Variants in SUGCT observed in about 807,000 individuals in gnomAD.
SUGCT encodes the protein succinyl-CoA:glutarate CoA-transferase.
Under a neutral mutation model 55.0 loss-of-function variants are expected in SUGCT, and 41 were observed. The observed-to-expected ratio is 0.74, with a 90% CI of 0.58 to 0.97. The LOEUF is 0.97. SUGCT is among the 50% of genes least tolerant of loss of function. The pLI is 0.00. For synonymous variants in SUGCT, 187 were observed against 200.4 expected (o/e 0.93, Z 0.56); for missense variants, 568 against 547.8 (o/e 1.04, Z -0.37).
intron 7 of SUGCT, among the ~76,000 whole-genome samples, chr7:40,242,857 A>G (rs973347069): frequency 2.9e-5 from 4 of 139,688 alleles, no homozygotes; most frequent in African/African-American, 1.1e-4. Context: ...TTAGTAAACA[A>G]TTATGTTGAG....
At chr7:40,949,714 C>T in the SUGCT span, among the ~76,000 whole-genome samples, 2 of 152,170 alleles carry the variant, frequency 1.3e-5, no homozygotes, top group African/African-American at 4.8e-5. Context: ...AATAGGGAAT[C>T]CTTTCCCCAT....
intron 13 of SUGCT, among the ~76,000 whole-genome samples, chr7:40,768,265 G>A (rs906574138): frequency 3.3e-5 from 5 of 152,160 alleles, no homozygotes; most frequent in Non-Finnish European, 5.9e-5. Flanking sequence ...CACAGCTTTA[G>A]TGGAAGAGGC....
rs541285731 is a variant in SUGCT, at chr7:40,285,495, G to C, written c.720+10839G>C. Among the ~76,000 whole-genome samples, 11 of 150,098 alleles carry C rather than the reference G, an allele frequency of 7.3e-5. No homozygotes were observed. In the South Asian group the frequency reaches 8.5e-4, roughly 12 times the overall value. On this transcript the variant is annotated intron_variant, in intron 8 of 13. Transcript: ENST00000335693. ...TATTCTTGTTTTTTTCTTTTTTCGG[G>C]GGGGGGCAAGAATTTTATTTAGAAT...
chr7:40,938,581 G>T, the SUGCT span, among the ~76,000 whole-genome samples: 1 of 151,762 alleles, frequency 6.6e-6, no homozygotes, highest in African/African-American at 2.4e-5. Context: ...TGAAGTCTGA[G>T]ATTTTAGTGC....
intron 12 of SUGCT, among the ~76,000 whole-genome samples, chr7:40,532,880 A>G (rs1156829409): frequency 6.6e-6 from 1 of 152,202 alleles, no homozygotes; most frequent in Admixed American, 6.5e-5. Context: ...AAATTAAACC[A>G]ATACCACATC....
intron 9 of SUGCT, among the ~76,000 whole-genome samples, chr7:40,371,028 A>G (rs1784271288): frequency 6.6e-6 from 1 of 152,170 alleles, no homozygotes; most frequent in South Asian, 2.1e-4. Context: ...CTAATGGCCC[A>G]GAGCTAGATA....
chr7:40,742,089 G>A (rs1787488638), intron 12 of SUGCT, among the ~76,000 whole-genome samples: 1 of 152,074 alleles, frequency 6.6e-6, no homozygotes, highest in South Asian at 2.1e-4. Context: ...ATATATACGT[G>A]TGTGTATATT....
intron 9 of SUGCT, among the ~76,000 whole-genome samples, chr7:40,368,316 A>G (rs146929654): frequency 4.2e-4 from 64 of 152,008 alleles, no homozygotes; most frequent in African/African-American, 1.4e-3. Context: ...TCCTGCTTCA[A>G]CGTCCTGAGT....
chr7:40,830,145 C>G (rs1210151335), intron 13 of SUGCT, among the ~76,000 whole-genome samples: 1 of 152,068 alleles, frequency 6.6e-6, no homozygotes, highest in Non-Finnish European at 1.5e-5. Flanking sequence ...CACCCCAGGC[C>G]CAGAGCCTCA....
At chr7:40,534,487 C>T (rs1421805744) in intron 12 of SUGCT, among the ~76,000 whole-genome samples, 4 of 152,134 alleles carry the variant, frequency 2.6e-5, no homozygotes, top group African/African-American at 7.2e-5. Context: ...CAGGTTCAAG[C>T]GATTCTCTTC....
intron 12 of SUGCT, among the ~76,000 whole-genome samples, chr7:40,745,535 G>A (rs1025990769): frequency 6.6e-6 from 1 of 152,078 alleles, no homozygotes; most frequent in Non-Finnish European, 1.5e-5. Flanking sequence ...TAAAACGCTT[G>A]AGAAAGAAAG....
intron 9 of SUGCT, among the ~76,000 whole-genome samples, chr7:40,374,984 G>A (rs1457084814): frequency 6.6e-6 from 1 of 152,072 alleles, no homozygotes; most frequent in Non-Finnish European, 1.5e-5. Flanking sequence ...TTGGGTGGCC[G>A]ACATACAAGT....
At chr7:40,350,577 C>T (rs990670559) in intron 9 of SUGCT, among the ~76,000 whole-genome samples, 2 of 151,722 alleles carry the variant, frequency 1.3e-5, no homozygotes, top group Non-Finnish European at 2.9e-5. Flanking sequence ...GTGATCCACC[C>T]ACCTTGGCCC....
chr7:40,480,299 G>C (rs1186093409), intron 11 of SUGCT, among the ~76,000 whole-genome samples: 1 of 151,816 alleles, frequency 6.6e-6, no homozygotes, highest in Non-Finnish European at 1.5e-5. Context: ...CTATGTTCGT[G>C]GCATCCCTGT....
chr7:40,672,496 A>G (rs1049705832), intron 12 of SUGCT, among the ~76,000 whole-genome samples: 1 of 152,204 alleles, frequency 6.6e-6, no homozygotes. Context: ...TTATATGTAC[A>G]TTCTTGAAAT....
chr7:40,546,467 T>A (rs6970223), intron 12 of SUGCT, among the ~76,000 whole-genome samples: 3,938 of 152,258 alleles, frequency 0.026, 159 homozygotes, highest in African/African-American at 0.091. Context: ...GGCATTAAAA[T>A]TAAAGCCTGA....
intron 12 of SUGCT, among the ~76,000 whole-genome samples, chr7:40,685,857 G>A (rs1784440976): frequency 6.6e-6 from 1 of 152,122 alleles, no homozygotes; most frequent in African/African-American, 2.4e-5. Flanking sequence ...GGCCAACATA[G>A]CAAGACCCCA....
intron 13 of SUGCT, among the ~76,000 whole-genome samples, chr7:40,850,166 C>A (rs992196576): frequency 6.6e-6 from 1 of 152,236 alleles, no homozygotes; most frequent in East Asian, 1.9e-4. Context: ...ATCATTCTCT[C>A]CTTCCTTTGC....
At chr7:40,928,805 T>C in the SUGCT span, among the ~76,000 whole-genome samples, 10 of 152,224 alleles carry the variant, frequency 6.6e-5, 1 homozygote, top group Non-Finnish European at 4.4e-5. Context: ...TTCACCATGT[T>C]GGCCAGGATG....
Sources: allele counts gnomAD v4.1 joint callset (sites outside exome capture counted in the v4.1 genomes callset), GRCh38; gene constraint gnomAD v4.1.1; transcripts MANE v1.5; gene names NCBI Gene and HGNC (gene_info 2026-07-23, HGNC 2026-07-21).